Variants in IQSEC1 observed in about 807,000 individuals in gnomAD.
The protein encoded by IQSEC1 is IQ motif and SEC7 domain-containing protein 1.
IQSEC1 carries 31 observed loss-of-function variants against 91.0 expected under a neutral mutation model. The ratio of observed to expected loss-of-function variants is 0.34; its 90% CI spans 0.26 to 0.46. The LOEUF is 0.46. Ranked by LOEUF, IQSEC1 falls within the 20% of genes least tolerant of loss-of-function variation. The probability of loss-of-function intolerance (pLI) is 1.00; values close to 1 mark genes in which losing one functional copy is unlikely to be tolerated. For missense variants in IQSEC1, 1,388 were observed against 1,575.6 expected (o/e 0.88, Z 2.02); for synonymous variants, 699 against 662.6 (o/e 1.05, Z -0.84).
At chr3:13,055,972 C>T (rs748682586) in intron 1 of IQSEC1, among the ~76,000 whole-genome samples, 3 of 152,152 alleles carry the variant, frequency 2.0e-5, no homozygotes, top group Non-Finnish European at 2.9e-5. Flanking sequence ...GATGTCCCCC[C>T]CACCACCATT....
At chr3:13,244,951 A>G (rs1695083742) in intron 1 of IQSEC1, among the ~76,000 whole-genome samples, 2 of 152,232 alleles carry the variant, frequency 1.3e-5, no homozygotes, top group African/African-American at 2.4e-5. Context: ...AAGAACCTCA[A>G]TGGAGGCACG....
At chr3:13,109,095 A>G (rs946302684) in intron 2 of IQSEC1, among the ~76,000 whole-genome samples, 3 of 152,166 alleles carry the variant, frequency 2.0e-5, no homozygotes, top group Non-Finnish European at 4.4e-5. Flanking sequence ...GGATGGCCAG[A>G]GCGTGGGCAG....
At chr3:12,968,017 C>G (rs917637791) in intron 1 of IQSEC1, among the ~76,000 whole-genome samples, 1 of 152,228 alleles carries the variant, frequency 6.6e-6, no homozygotes, top group East Asian at 1.9e-4. Context: ...CGCGCGAAGC[C>G]TCTGTTCTGG....
At chr3:12,925,777 G>T (rs192834032) in intron 3 of IQSEC1, among the ~76,000 whole-genome samples, 2 of 152,196 alleles carry the variant, frequency 1.3e-5, no homozygotes, top group Non-Finnish European at 2.9e-5. Context: ...GGGGCCTAGC[G>T]CCAGGCCAGA....
At chr3:13,020,522 G>A (rs771152531) in intron 1 of IQSEC1, among the ~76,000 whole-genome samples, 6 of 152,202 alleles carry the variant, frequency 3.9e-5, no homozygotes, top group Non-Finnish European at 8.8e-5. Context: ...GTGTGGCTGG[G>A]TTTCCCCTTT....
intron 1 of IQSEC1, among the ~76,000 whole-genome samples, chr3:13,203,624 C>T (rs554948050): frequency 1.4e-4 from 22 of 152,264 alleles, no homozygotes; most frequent in Non-Finnish European, 2.8e-4. Context: ...CACCAGCAGC[C>T]GAAACACTGC....
chr3:12,975,798 T>G (rs1701140066), intron 1 of IQSEC1, among the ~76,000 whole-genome samples: 1 of 152,188 alleles, frequency 6.6e-6, no homozygotes, highest in Admixed American at 6.5e-5. Flanking sequence ...AAACAGCTAG[T>G]GAGGGATGAG....
In IQSEC1 at chr3:12,936,586, G is replaced by A. The variant is rs549147535; in HGVS notation, c.430C>T (p.Arg144Cys). 7 of 1,613,210 alleles carry A rather than the reference G, an allele frequency of 4.3e-6. No individual in the cohort carries two copies. The highest frequency in any genetic ancestry group is 1.7e-5 in the Admixed American group (1 of 60,020). ...YQMNKNFERLRSSMSENRMSR... is the reference protein window; with the variant it reads ...YQMNKNFERLCSSMSENRMSR... The stretch of plus-strand genomic sequence containing the variant: ...ATGCGGTTCTCTGACATGGAGCTGC[G>A]CAAGCGCTCGAAGTTCTTGTTCATC... Residue 144 changes from arginine (R) to cysteine (C), a missense_variant, in exon 3 of 14, where the codon CGC (arginine) becomes TGC (cysteine). By Grantham distance (180) the Arg-to-Cys change is radical. Coordinates refer to ENST00000613206, the MANE Select transcript of IQSEC1 (RefSeq NM_001134382.3).
chr3:13,107,694 C>T (rs1014626188), intron 2 of IQSEC1, among the ~76,000 whole-genome samples: 15 of 152,250 alleles, frequency 9.9e-5, no homozygotes, highest in Non-Finnish European at 1.5e-4. Flanking sequence ...GGCCCCATTT[C>T]CCTAGGCCCG....
chr3:12,968,844 C>T (rs1230124912), intron 1 of IQSEC1, among the ~76,000 whole-genome samples: 1 of 152,216 alleles, frequency 6.6e-6, no homozygotes, highest in African/African-American at 2.4e-5. Flanking sequence ...AAGAAGCCAT[C>T]AAGGCAGGGG....
chr3:12,977,247 T>C (rs1277612945), intron 1 of IQSEC1, among the ~76,000 whole-genome samples: 1 of 151,504 alleles, frequency 6.6e-6, no homozygotes, highest in East Asian at 1.9e-4. Flanking sequence ...ACTAGGGAGG[T>C]TGAGGTGGGA....
In IQSEC1 at chr3:13,201,437, C is replaced by T. The variant is rs1377929052; in HGVS notation, c.273-37304G>A. 3.3e-5 allele frequency among the ~76,000 whole-genome samples: 5 copies of T among 152,308 alleles called. No individual in the cohort carries two copies. The South Asian group carries it at 8.3e-4, about 25-fold the overall frequency. ...CCTCGAACTCCTGGGCTCCAGTGAT[C>T]CTCCCACCTCAGCCACCTGACTAGC... On this transcript the variant is annotated intron_variant, in intron 1 of 15. Transcript: ENST00000648114.
chr3:13,233,986 G>C (rs988102258), intron 1 of IQSEC1, among the ~76,000 whole-genome samples: 1 of 152,240 alleles, frequency 6.6e-6, no homozygotes, highest in Non-Finnish European at 1.5e-5. Flanking sequence ...TGTTGAAGTG[G>C]GGGCTGCTGC....
At chr3:13,078,680 T>C (rs1705600547) in intron 2 of IQSEC1, among the ~76,000 whole-genome samples, 1 of 152,170 alleles carries the variant, frequency 6.6e-6, no homozygotes, top group Non-Finnish European at 1.5e-5. Flanking sequence ...AGCTGCGTGC[T>C]CTGCTGGTGT....
rs146072653 is a variant in IQSEC1 at position 13,145,549 on chromosome 3, TGCCCCA to T, written c.302+18549_302+18554del. On this transcript the variant is annotated intron_variant, in intron 2 of 15. Coordinates refer to the IQSEC1 transcript ENST00000648114. Reference sequence around the variant, plus strand: ...CACTGGCAGAACTGGCACAAGCCCCTGCCCCAGCCAGTCTCAAGCAGGAGGGAAAGA... The same window carrying T: ...CACTGGCAGAACTGGCACAAGCCCCTGCCAGTCTCAAGCAGGAGGGAAAGA... Among the ~76,000 whole-genome samples the T allele has an allele frequency of 9.5e-3, 1,444 of 152,248 alleles. 22 individuals carry two copies. Among genetic ancestry groups the T allele is most frequent in the African/African-American group, 0.033 (1,388 of 41,542 alleles).
chr3:12,931,141 G>C (rs1181642665), intron 3 of IQSEC1, among the ~76,000 whole-genome samples: 1 of 152,074 alleles, frequency 6.6e-6, no homozygotes, highest in Non-Finnish European at 1.5e-5. Flanking sequence ...CCCCCTGCAG[G>C]GCTTCCCTTG....
rs185306831 is a variant in IQSEC1 at position 13,026,185 on chromosome 3, C to T, written c.23+46807G>A. 6.8e-3 allele frequency among the ~76,000 whole-genome samples: 1,030 copies of T among 152,336 alleles called. 6 individuals carry two copies. The highest frequency in any genetic ancestry group is 0.01 in the Non-Finnish European group (704 of 68,024). Reference sequence around the variant, plus strand: ...CCTGTGCCCCTCGGCAGCCACAGTCCTGATGGGTGGCTGTTTGCACCCAGG... The same window carrying T: ...CCTGTGCCCCTCGGCAGCCACAGTCTTGATGGGTGGCTGTTTGCACCCAGG... On this transcript the variant is annotated intron_variant, in intron 1 of 13. Coordinates refer to ENST00000613206, the MANE Select transcript of IQSEC1 (RefSeq NM_001134382.3).
At chr3:13,187,830 G>A (rs1693960154) in intron 1 of IQSEC1, among the ~76,000 whole-genome samples, 1 of 152,146 alleles carries the variant, frequency 6.6e-6, no homozygotes, top group Non-Finnish European at 1.5e-5. Context: ...ACCTCCTTAT[G>A]GAGAGCCACC....
At chr3:13,071,645 C>T (rs991767625) in intron 1 of IQSEC1, among the ~76,000 whole-genome samples, 1 of 152,226 alleles carries the variant, frequency 6.6e-6, no homozygotes, top group Non-Finnish European at 1.5e-5. Flanking sequence ...CTCGCATCGA[C>T]AAACCAACCT....
Sources: gnomAD v4.1 joint callset for allele counts (sites outside exome capture counted in the v4.1 genomes callset) on GRCh38, gnomAD v4.1.1 for gene constraint, MANE v1.5 for transcripts, NCBI Gene and HGNC (gene_info 2026-07-23, HGNC 2026-07-21) for gene names.